Variants in ZNF490 observed in about 807,000 individuals in gnomAD.
The protein encoded by ZNF490 is zinc finger protein 490.
ZNF490 carries 11 observed loss-of-function variants against 17.7 expected under a neutral mutation model. The ratio of observed to expected loss-of-function variants is 0.62; its 90% confidence interval spans 0.39 to 1.03. ZNF490 has a LOEUF of 1.03. Ranked by LOEUF, ZNF490 falls within the 50% of genes least tolerant of loss-of-function variation. ZNF490 has a pLI of 0.00. For missense variants in ZNF490, 542 were observed against 643.4 expected (o/e 0.84, Z 1.71); for synonymous variants, 222 against 216.1 (o/e 1.03, Z -0.24).
intron 2 of ZNF490, 70 bp from the exon 3 acceptor site, chr19:12,583,626 T>G (rs1023311143): frequency 3.5e-6 from 5 of 1,435,488 alleles, no homozygotes; most frequent in Non-Finnish European, 4.7e-6. Flanking sequence ...ATTCTCAGAA[T>G]TCCTGAGAAA....
At position 12,579,780 on chromosome 19, in the gene ZNF490, G is replaced by C. The variant is rs1392056660; in HGVS notation, c.*705C>G. On this transcript the variant is annotated 3_prime_UTR_variant, in exon 5 of 5. Coordinates refer to ENST00000311437, the MANE Select transcript of ZNF490 (RefSeq NM_020714.3). ...GATCACACCACTGCACTCCAGCCTGGGGCAACAGAGTGAGACACCATCTTG... is the reference window on the plus strand; with the variant it reads ...GATCACACCACTGCACTCCAGCCTGCGGCAACAGAGTGAGACACCATCTTG... The C allele has an allele frequency of 6.6e-6, 1 of 152,234 alleles. No homozygotes were observed. The highest frequency in any genetic ancestry group is 2.4e-5 in the African/African-American group (1 of 41,336). 9.4% of individuals were successfully genotyped at this position (152,234 alleles called of 1,614,324 possible). A position where few individuals can be genotyped will look rare whatever the true frequency, so the allele number is the denominator to read the frequency against.
intron 1 of ZNF490, chr19:12,610,002 G>C: frequency 2.3e-6 from 1 of 442,222 alleles, no homozygotes; most frequent in Non-Finnish European, 4.5e-6. Flanking sequence ...AAAATGAAAA[G>C]CAATAAAAAC....
intron 3 of ZNF490, among the ~76,000 whole-genome samples, 172 bp downstream of exon 3, chr19:12,583,258 C>T (rs911881701): frequency 1.3e-5 from 2 of 152,094 alleles, no homozygotes; most frequent in Admixed American, 1.3e-4. Flanking sequence ...TCAGGCTGGT[C>T]TCAGACTCCT....
rs767955294 is a variant in ZNF490 at position 12,610,595 on chromosome 19, C to A, written c.86G>T (p.Arg29Leu). Residue 29 changes from arginine to leucine, a missense_variant, in exon 1 of 5, where the codon CGC (arginine) becomes CTC (leucine). Arg to Leu is a moderately radical substitution (Grantham distance 102). Coordinates refer to ENST00000311437, the MANE Select transcript of ZNF490 (RefSeq NM_020714.3). ...VQSKWSSSQG[R>L]TGTGGSDVLQ... ...GACATCAGACCCTCCTGTTCCTGTG[C>A]GGCCTTGACTAGACGACCACTTGCT... 34 of 1,613,822 alleles carry A rather than the reference C, an allele frequency of 2.1e-5. No homozygotes were observed. The South Asian group carries it at 3.6e-4, about 17-fold the overall frequency.
At chr19:12,583,281 C>T (rs543565845) in intron 3 of ZNF490, 149 bp downstream of exon 3, 26 of 848,992 alleles carry the variant, frequency 3.1e-5, no homozygotes, top group South Asian at 8.3e-5. Context: ...CCTCTTAATC[C>T]GCCCGCCTCA....
Position 12,576,813 on chromosome 19 carries a change from CAAAAAAAAAAA to C in ZNF490, c.*3661_*3671del, listed in dbSNP as rs149742929. On this transcript the variant is annotated 3_prime_UTR_variant, in exon 5 of 5. Coordinates refer to ENST00000311437, the MANE Select transcript of ZNF490 (RefSeq NM_020714.3). ...GCCTGGCAACAGTGAGAATCCATCT[CAAAAAAAAAAA>C]AAAAAAAAAAAACCTAAAAGCATTC... is the stretch of plus-strand genomic sequence containing the variant. 3.2e-4 allele frequency among the ~76,000 whole-genome samples: 12 copies of C among 37,538 alleles called. No homozygotes were observed. In the East Asian group the frequency reaches 3.4e-3, roughly 11 times the overall value. 24.6% of individuals were successfully genotyped at this position (37,538 alleles called of 152,430 possible).
At chr19:12,600,245 T>C (rs2022986251) in intron 2 of ZNF490, among the ~76,000 whole-genome samples, 1 of 151,592 alleles carries the variant, frequency 6.6e-6, no homozygotes, top group African/African-American at 2.4e-5. Context: ...CGGGCACCTG[T>C]AGTCCCAGCT....
chr19:12,591,344 T>C (rs1422358322), intron 2 of ZNF490, among the ~76,000 whole-genome samples: 4 of 151,092 alleles, frequency 2.6e-5, no homozygotes, highest in Non-Finnish European at 5.9e-5. Flanking sequence ...GAGCCGAGAT[T>C]ACGCCACTGC....
chr19:12,580,469 A>G lies in ZNF490; in HGVS notation c.*16T>C, dbSNP rs2022713834. ...AGGAACTAATACAACTGACAGCATT[A>G]CCACACTTTACTTTCTTAGGGCTTC... On this transcript the variant is annotated 3_prime_UTR_variant, in exon 5 of 5. Coordinates refer to ENST00000311437, the MANE Select transcript of ZNF490 (RefSeq NM_020714.3). 6.4e-7 allele frequency: 1 copy of G among 1,561,974 alleles called. No homozygotes were observed. Among genetic ancestry groups the G allele is most frequent in the Admixed American group, 2.0e-5 (1 of 51,164 alleles).
chr19:12,599,378 A>G (rs894227222), intron 2 of ZNF490, among the ~76,000 whole-genome samples: 1 of 152,156 alleles, frequency 6.6e-6, no homozygotes, highest in African/African-American at 2.4e-5. Flanking sequence ...AAGTCATGAA[A>G]GAATTTATGA....
At chr19:12,600,556 T>G (rs886300611) in intron 2 of ZNF490, among the ~76,000 whole-genome samples, 20 of 152,236 alleles carry the variant, frequency 1.3e-4, no homozygotes, top group African/African-American at 4.6e-4. Context: ...GGAAAACTCT[T>G]GTAATTCTGA....
In ZNF490 at chr19:12,580,516, T is replaced by C. The variant is rs753002925; in HGVS notation, c.1559A>G (p.His520Arg). Residue 520 changes from histidine (H) to arginine (R), a missense_variant, in exon 5 of 5, where the codon CAC becomes CGC. Coordinates refer to ENST00000311437, the MANE Select transcript of ZNF490 (RefSeq NM_020714.3). ...AFSYSKSLHV[H>R]ERTHSRQKP ...CTTCTGTCTACTATGAGTCCTTTCG[T>C]GCACGTGCAAAGACTTTGAGTAACT... is the stretch of plus-strand genomic sequence containing the variant. The C allele has an allele frequency of 1.2e-6, 2 of 1,608,608 alleles. No individual in the cohort carries two copies. The highest frequency in any genetic ancestry group is 1.7e-6 in the Non-Finnish European group (2 of 1,177,254).
chr19:12,608,387 C>T (rs1315446581), intron 2 of ZNF490, among the ~76,000 whole-genome samples: 3 of 152,114 alleles, frequency 2.0e-5, no homozygotes, highest in African/African-American at 2.4e-5. Flanking sequence ...GCCATCCTCC[C>T]GTCTCAGCCT....
intron 2 of ZNF490, chr19:12,597,205 C>G (rs796607325): frequency 2.2e-6 from 1 of 457,978 alleles, no homozygotes; most frequent in Admixed American, 2.3e-5. Context: ...TCACTACCTG[C>G]AGGTCCCAGT....
intron 2 of ZNF490, among the ~76,000 whole-genome samples, chr19:12,602,134 G>T (rs2023016051): frequency 1.2e-5 from 1 of 81,774 alleles, no homozygotes; most frequent in African/African-American, 3.6e-5. Flanking sequence ...ACACATATAT[G>T]GGCCTATTTC....
Position 12,583,402 on chromosome 19 carries a change from T to C in ZNF490, c.289+28A>G, listed in dbSNP as rs760663292. On this transcript the variant is annotated intron_variant, in intron 3 of 4. Transcript: ENST00000311437. ...CAAGAAACACCTGTTCCCTCCTTAA[T>C]TAAGTAGAGAAATTATGTCACCCTT... is the stretch of plus-strand genomic sequence containing the variant. The C allele has an allele frequency of 3.3e-5, 51 of 1,561,796 alleles. No individual in the cohort carries two copies. In the Admixed American group the frequency reaches 8.6e-4, roughly 26 times the overall value.
rs1178855878 is a variant in ZNF490 at position 12,578,143 on chromosome 19, T to G, written c.*2342A>C. ...TCTTAGCGGGAGGCTAGGAAACCAG[T>G]CCTGGAGCAGGATGCATGTGACATG... On this transcript the variant is annotated 3_prime_UTR_variant, in exon 5 of 5. Coordinates refer to ENST00000311437, the MANE Select transcript of ZNF490 (RefSeq NM_020714.3). 6.1e-6 allele frequency: 6 copies of G among 985,342 alleles called. No homozygotes were observed. The African/African-American group carries it at 1.0e-4, about 17-fold the overall frequency. 61.0% of individuals were successfully genotyped at this position (985,342 alleles called of 1,614,324 possible).
intron 2 of ZNF490, among the ~76,000 whole-genome samples, chr19:12,589,369 T>C (rs139203620): frequency 0.017 from 2,520 of 151,580 alleles, 25 homozygotes; most frequent in South Asian, 0.051. Context: ...AAAAAATAGA[T>C]AGAGAAAAAC....
chr19:12,597,577 A>G (rs1306722214), intron 2 of ZNF490, among the ~76,000 whole-genome samples: 1 of 152,136 alleles, frequency 6.6e-6, no homozygotes, highest in African/African-American at 2.4e-5. Context: ...GCAAATTTGA[A>G]ACTCTTTATT....
Sources: gnomAD v4.1 joint callset for allele counts (sites outside exome capture counted in the v4.1 genomes callset) on GRCh38, gnomAD v4.1.1 for gene constraint, MANE v1.5 for transcripts, NCBI Gene and HGNC (gene_info 2026-07-23, HGNC 2026-07-21) for gene names.